INPP4A: variants seen among roughly 807,000 people sequenced by gnomAD.
INPP4A encodes the protein inositol polyphosphate-4-phosphatase type I A.
In INPP4A, 33 loss-of-function variants were observed where a neutral mutation model predicts 119.8. The observed-to-expected ratio is 0.28, with a 90% CI of 0.21 to 0.37. INPP4A has a LOEUF of 0.37. Ranked by LOEUF, INPP4A falls within the 10% of genes least tolerant of loss-of-function variation. INPP4A has a pLI of 1.00. For synonymous variants in INPP4A, 496 were observed against 500.7 expected, an observed-to-expected ratio of 0.99 and a Z score of 0.12; for missense variants, 956 against 1,289.9, an observed-to-expected ratio of 0.74 and a Z score of 3.97.
intron 1 of INPP4A, among the ~76,000 whole-genome samples, chr2:98,474,015 C>T (rs1376472147): frequency 6.6e-6 from 1 of 152,180 alleles, no homozygotes. Flanking sequence ...GCAGTTTGCC[C>T]AGCATTTTTG....
Position 98,519,982 on chromosome 2 carries a change from A to G in INPP4A, c.-67A>G. Reference sequence around the variant, plus strand: ...CTTTAGTGGACTAGGGCTCGGTGCCAGCACTTCCCGGGTAATCAGGCGTGG... The same window carrying G: ...CTTTAGTGGACTAGGGCTCGGTGCCGGCACTTCCCGGGTAATCAGGCGTGG... On this transcript the variant is annotated 5_prime_UTR_variant, in exon 3 of 25. Coordinates refer to ENST00000409851, the MANE Select transcript of INPP4A (RefSeq NM_001134225.2). 1 of 1,340,356 alleles carries G rather than the reference A, an allele frequency of 7.5e-7. No homozygotes were observed. The highest frequency in any genetic ancestry group is 1.0e-6 in the Non-Finnish European group (1 of 954,106). 83.0% of individuals were successfully genotyped at this position (1,340,356 alleles called of 1,614,324 possible).
intron 17 of INPP4A, among the ~76,000 whole-genome samples, chr2:98,562,318 TTA>T (rs1201058525): frequency 6.6e-6 from 1 of 151,672 alleles, no homozygotes; most frequent in African/African-American, 2.4e-5. Flanking sequence ...GGGAATTCTT[TTA>T]TATGTTTCAG....
At chr2:98,448,442 C>T (rs1052713330) in intron 1 of INPP4A, among the ~76,000 whole-genome samples, 3 of 151,068 alleles carry the variant, frequency 2.0e-5, no homozygotes, top group Admixed American at 6.6e-5. Context: ...TCAATTGCTT[C>T]GATAATGTCC....
intron 1 of INPP4A, among the ~76,000 whole-genome samples, chr2:98,460,100 CGTGTGTGT>C (rs3066275): frequency 4.8e-5 from 7 of 147,012 alleles, no homozygotes; most frequent in Non-Finnish European, 7.5e-5. Context: ...GTTTGGTCAT[CGTGTGTGT>C]GTGTGTGTGT....
chr2:98,455,795 C>T (rs1292741330), intron 1 of INPP4A, among the ~76,000 whole-genome samples: 1 of 152,158 alleles, frequency 6.6e-6, no homozygotes, highest in African/African-American at 2.4e-5. Flanking sequence ...ACTTTCTCTC[C>T]CCTCTGCAGT....
chr2:98,460,196 T>G (rs1045031184), intron 1 of INPP4A, among the ~76,000 whole-genome samples: 5 of 151,960 alleles, frequency 3.3e-5, no homozygotes, highest in Non-Finnish European at 5.9e-5. Context: ...AAGTGTGGTA[T>G]TATAGGTGCA....
At chr2:98,502,957 A>G (rs1192704964) in intron 1 of INPP4A, among the ~76,000 whole-genome samples, 1 of 152,214 alleles carries the variant, frequency 6.6e-6, no homozygotes, top group Non-Finnish European at 1.5e-5. Flanking sequence ...CTTCAGAGAT[A>G]GGGAGTTTGG....
At chr2:98,488,848 G>T (rs552294940) in intron 1 of INPP4A, among the ~76,000 whole-genome samples, 1 of 152,038 alleles carries the variant, frequency 6.6e-6, no homozygotes, top group Non-Finnish European at 1.5e-5. Context: ...AGTAGGGAGT[G>T]TTGTGAAAGT....
chr2:98,545,318 T>C (rs1448202703), intron 11 of INPP4A, among the ~76,000 whole-genome samples: 1 of 152,224 alleles, frequency 6.6e-6, no homozygotes, highest in Non-Finnish European at 1.5e-5. Flanking sequence ...TAATTAGTTA[T>C]GGATTCTGAT....
chr2:98,467,930 C>T (rs560756240), intron 1 of INPP4A, among the ~76,000 whole-genome samples: 5 of 152,252 alleles, frequency 3.3e-5, no homozygotes, highest in Admixed American at 2.0e-4. Flanking sequence ...GGTAATTTTA[C>T]ATGAAATGAA....
At chr2:98,523,369 T>G (rs56118505) in intron 4 of INPP4A, among the ~76,000 whole-genome samples, 35,092 of 151,950 alleles carry the variant, frequency 0.23, 4,336 homozygotes, top group Middle Eastern at 0.32. Flanking sequence ...TACCCCAGTT[T>G]TTTTTGTTTT....
intron 1 of INPP4A, among the ~76,000 whole-genome samples, chr2:98,469,034 G>A (rs191771347): frequency 9.7e-4 from 148 of 152,290 alleles, no homozygotes; most frequent in African/African-American, 3.4e-3. Flanking sequence ...CATCCTGGCT[G>A]TACCTTACCA....
chr2:98,451,381 A>T (rs141822234), intron 1 of INPP4A, among the ~76,000 whole-genome samples: 2 of 151,846 alleles, frequency 1.3e-5, no homozygotes, highest in African/African-American at 4.8e-5. Context: ...GGTGAGGTCT[A>T]TTTTCTGGAA....
intron 1 of INPP4A, among the ~76,000 whole-genome samples, chr2:98,507,729 A>G (rs1684338981): frequency 6.6e-6 from 1 of 152,156 alleles, no homozygotes; most frequent in African/African-American, 2.4e-5. Context: ...TGGGAGGATG[A>G]TGGACATGGG....
chr2:98,498,923 C>T (rs962991717), intron 1 of INPP4A, among the ~76,000 whole-genome samples: 3 of 152,178 alleles, frequency 2.0e-5, no homozygotes, highest in African/African-American at 7.2e-5. Context: ...ACTTCCCAGC[C>T]TCCAGGACTG....
At chr2:98,462,309 G>A (rs1293521684) in intron 1 of INPP4A, among the ~76,000 whole-genome samples, 3 of 152,056 alleles carry the variant, frequency 2.0e-5, no homozygotes, top group Non-Finnish European at 2.9e-5. Context: ...TTAGCTGGGC[G>A]TGGTGGCAGG....
At chr2:98,498,577 G>T (rs938913910) in intron 1 of INPP4A, among the ~76,000 whole-genome samples, 1 of 151,944 alleles carries the variant, frequency 6.6e-6, no homozygotes. Context: ...ACCAATTCAG[G>T]TGCTGGATTT....
intron 11 of INPP4A, among the ~76,000 whole-genome samples, chr2:98,545,099 C>T (rs556648524): frequency 3.3e-5 from 5 of 152,304 alleles, no homozygotes; most frequent in African/African-American, 1.2e-4. Flanking sequence ...CTCGGATGCT[C>T]ATGGTGCGGT....
At chr2:98,501,779 A>G (rs1467357434) in intron 1 of INPP4A, among the ~76,000 whole-genome samples, 1 of 152,178 alleles carries the variant, frequency 6.6e-6, no homozygotes, top group Non-Finnish European at 1.5e-5. Flanking sequence ...GAATTTGATA[A>G]ATTAAAACCT....
Sources: allele counts gnomAD v4.1 joint callset (sites outside exome capture counted in the v4.1 genomes callset), GRCh38; gene constraint gnomAD v4.1.1; transcripts MANE v1.5; gene names NCBI Gene and HGNC (gene_info 2026-07-23, HGNC 2026-07-21).